The following NME7 variants were observed in gnomAD, a reference collection of about 807,000 sequenced individuals.
The protein encoded by NME7 is NME/NM23 family member 7.
Under a neutral mutation model 49.1 loss-of-function variants are expected in NME7, and 41 were observed. The ratio of observed to expected loss-of-function variants is 0.83; its 90% CI spans 0.65 to 1.08. The LOEUF is 1.08. NME7 is among the 50% of genes least tolerant of loss of function. The probability of loss-of-function intolerance (pLI) is 0.00; values close to 1 mark genes in which losing one functional copy is unlikely to be tolerated. For missense variants in NME7, 423 were observed against 463.4 expected (o/e 0.91, Z 0.80); for synonymous variants, 139 against 150.6 (o/e 0.92, Z 0.56).
At chr1:169,136,895 T>C (rs1371864338) in intron 11 of NME7, among the ~76,000 whole-genome samples, 1 of 152,266 alleles carries the variant, frequency 6.6e-6, no homozygotes, top group African/African-American at 2.4e-5. Flanking sequence ...TATTTTCCAA[T>C]GGTTTTTAAT....
At chr1:169,138,113 C>A (rs1004798940) in intron 11 of NME7, among the ~76,000 whole-genome samples, 1 of 151,694 alleles carries the variant, frequency 6.6e-6, no homozygotes, top group Non-Finnish European at 1.5e-5. Flanking sequence ...GAGTTTGAGA[C>A]CAGCCTGGCC....
At chr1:169,204,926 C>T (rs749513171) in intron 10 of NME7, among the ~76,000 whole-genome samples, 11 of 151,918 alleles carry the variant, frequency 7.2e-5, no homozygotes, top group Non-Finnish European at 1.3e-4. Context: ...AGTTTCTTTT[C>T]TTTCTTGAAG....
At chr1:169,249,271 C>G (rs1450896466) in intron 7 of NME7, among the ~76,000 whole-genome samples, 1 of 151,832 alleles carries the variant, frequency 6.6e-6, no homozygotes, top group Non-Finnish European at 1.5e-5. Flanking sequence ...AGTTCTTGAT[C>G]TGATTCTCAG....
chr1:169,193,725 G>A (rs778552308), intron 10 of NME7, among the ~76,000 whole-genome samples: 1 of 152,034 alleles, frequency 6.6e-6, no homozygotes, highest in African/African-American at 2.4e-5. Context: ...CACTTTTTAG[G>A]GAAACTTGAG....
chr1:169,277,729 A>G (rs1432891165), intron 7 of NME7, among the ~76,000 whole-genome samples: 1 of 100,068 alleles, frequency 1.0e-5, no homozygotes, highest in African/African-American at 3.4e-5. Flanking sequence ...TCCTGTCATT[A>G]TGATGTTAGC....
In NME7 at chr1:169,273,315, T is replaced by C. The variant is rs568692083; in HGVS notation, c.754+13988A>G. On this transcript the variant is annotated intron_variant, in intron 7 of 11. Transcript: ENST00000367811. Reference sequence around the variant, plus strand: ...ATGAGTGAGAACATGCAGTGTTTAGTTTTCTGATCTTGTGATAGTTTGCTG... The same window carrying C: ...ATGAGTGAGAACATGCAGTGTTTAGCTTTCTGATCTTGTGATAGTTTGCTG... 3.4e-4 allele frequency among the ~76,000 whole-genome samples: 44 copies of C among 131,286 alleles called. 8 individuals carry two copies. Among genetic ancestry groups the C allele is most frequent in the Middle Eastern group, 4.0e-3 (1 of 252 alleles). 86.1% of individuals were successfully genotyped at this position (131,286 alleles called of 152,430 possible).
At chr1:169,336,654 G>C (rs906212367) in intron 1 of NME7, among the ~76,000 whole-genome samples, 1 of 151,128 alleles carries the variant, frequency 6.6e-6, no homozygotes, top group African/African-American at 2.4e-5. Flanking sequence ...ACAGAGTGCC[G>C]ACTGGTGTAT....
chr1:169,316,683 A>G (rs1044742282), intron 3 of NME7, among the ~76,000 whole-genome samples: 6 of 152,160 alleles, frequency 3.9e-5, no homozygotes, highest in African/African-American at 1.4e-4. Context: ...CAAGCCTGCT[A>G]TTGGTGGCTT....
At chr1:169,164,634 C>A (rs896648844) in intron 11 of NME7, among the ~76,000 whole-genome samples, 2 of 152,146 alleles carry the variant, frequency 1.3e-5, no homozygotes, top group African/African-American at 4.8e-5. Flanking sequence ...CGGACTGATG[C>A]AGACTATGGG....
chr1:169,321,996 A>G (rs904936523), intron 3 of NME7, among the ~76,000 whole-genome samples: 2 of 152,238 alleles, frequency 1.3e-5, no homozygotes, highest in Non-Finnish European at 2.9e-5. Context: ...AAGCCAAGAA[A>G]GATGACAAAG....
intron 1 of NME7, among the ~76,000 whole-genome samples, chr1:169,363,075 G>GA (rs35940727): frequency 0.25 from 35,633 of 141,670 alleles, 5,305 homozygotes; most frequent in Non-Finnish European, 0.35. Context: ...CCCTGTCTCT[G>GA]AAAAAAAAAA....
chr1:169,324,340 G>T, intron 2 of NME7, 53 bp downstream of exon 2: 1 of 1,111,274 alleles, frequency 9.0e-7, no homozygotes, highest in Non-Finnish European at 1.4e-6. Flanking sequence ...AAAGGCAATG[G>T]TTCCCATGTT....
At chr1:169,158,674 A>G (rs1157869638) in intron 11 of NME7, among the ~76,000 whole-genome samples, 1 of 152,152 alleles carries the variant, frequency 6.6e-6, no homozygotes, top group African/African-American at 2.4e-5. Flanking sequence ...CTAGGACGGT[A>G]GTTCTCAAAT....
chr1:169,335,679 A>T (rs1209074297), intron 1 of NME7, among the ~76,000 whole-genome samples: 2 of 147,700 alleles, frequency 1.4e-5, no homozygotes, highest in African/African-American at 4.9e-5. Flanking sequence ...TTTTAGAAGA[A>T]ATATATATAA....
chr1:169,238,417 T>A (rs1198279578), intron 7 of NME7, among the ~76,000 whole-genome samples: 1 of 151,334 alleles, frequency 6.6e-6, no homozygotes, highest in Non-Finnish European at 1.5e-5. Context: ...CCTATAAAAG[T>A]CTAAGTTTCT....
chr1:169,303,650 C>T (rs1365937046), intron 4 of NME7, among the ~76,000 whole-genome samples: 1 of 151,974 alleles, frequency 6.6e-6, no homozygotes, highest in South Asian at 2.1e-4. Context: ...TGGGGTTTCA[C>T]CATGCTGGCC....
At chr1:169,175,791 T>A (rs981514523) in intron 10 of NME7, among the ~76,000 whole-genome samples, 1 of 152,150 alleles carries the variant, frequency 6.6e-6, no homozygotes, top group Non-Finnish European at 1.5e-5. Context: ...TATACATATA[T>A]GGATAAACAT....
At chr1:169,161,402 G>A (rs937323851) in intron 11 of NME7, among the ~76,000 whole-genome samples, 20 of 152,312 alleles carry the variant, frequency 1.3e-4, no homozygotes, top group African/African-American at 4.6e-4. Context: ...AGAGGCCTGC[G>A]TTAATCACGG....
At chr1:169,264,577 T>C (rs1649260744) in intron 7 of NME7, among the ~76,000 whole-genome samples, 1 of 133,524 alleles carries the variant, frequency 7.5e-6, no homozygotes, top group African/African-American at 2.5e-5. Flanking sequence ...ATCCTAAATC[T>C]ATAGGCACCC....
Sources: gnomAD v4.1 joint callset for allele counts (sites outside exome capture counted in the v4.1 genomes callset) on GRCh38, gnomAD v4.1.1 for gene constraint, MANE v1.5 for transcripts, NCBI Gene and HGNC (gene_info 2026-07-23, HGNC 2026-07-21) for gene names.